TCF23: variants seen among roughly 807,000 people sequenced by gnomAD.
The protein encoded by TCF23 is class A basic helix-loop-helix protein 24.
A neutral mutation model predicts 13.0 loss-of-function variants in TCF23; 7 were observed. The observed-to-expected ratio is 0.54, with a 90% CI of 0.31 to 1.01. The LOEUF (loss-of-function observed/expected upper bound fraction) is 1.01, where lower values mean the gene tolerates loss of function less well. Ranked by LOEUF, TCF23 falls within the 50% of genes least tolerant of loss-of-function variation. The pLI is 0.06. For synonymous variants in TCF23, 122 were observed against 119.5 expected, an observed-to-expected ratio of 1.02 and a Z score of -0.14; for missense variants, 257 against 289.8, an observed-to-expected ratio of 0.89 and a Z score of 0.82.
chr2:27,151,674 C>T (rs756242931), intron 2 of TCF23, among the ~76,000 whole-genome samples: 2 of 152,086 alleles, frequency 1.3e-5, no homozygotes, highest in Non-Finnish European at 2.9e-5. Flanking sequence ...GTCTCACTGT[C>T]GCCCATGCTG....
Position 27,150,459 on chromosome 2 carries a change from C to A in TCF23, c.465+94C>A. 1 of 1,554,476 alleles carries A rather than the reference C, an allele frequency of 6.4e-7. No homozygotes were observed. Among genetic ancestry groups the A allele is most frequent in the South Asian group, 1.2e-5 (1 of 82,442 alleles). On this transcript the variant is annotated intron_variant, in intron 2 of 2. Transcript: ENST00000296096. This position sits in a 1 kb window ranked among gnomAD's most constrained non-coding sequence, Gnocchi z 4.1. ...ATGAGGGGGGACATTGGACTTGGGCCCCCTGCCCTGTGCAGAACTGACGTC... is the reference window on the plus strand; with the variant it reads ...ATGAGGGGGGACATTGGACTTGGGCACCCTGCCCTGTGCAGAACTGACGTC...
chr2:27,151,057 TA>T (rs1228549482), intron 2 of TCF23, among the ~76,000 whole-genome samples: 1 of 152,216 alleles, frequency 6.6e-6, no homozygotes, highest in Non-Finnish European at 1.5e-5. Context: ...TTAAGTACGT[TA>T]GTGTATTTTT....
chr2:27,153,567 T>A lies in TCF23; in HGVS notation c.*700T>A, dbSNP rs1460203580. The A allele has an allele frequency of 6.4e-6, 1 of 156,096 alleles. No individual in the cohort carries two copies. Among genetic ancestry groups the A allele is most frequent in the Non-Finnish European group, 1.4e-5 (1 of 71,648 alleles). The allele number at this position is 156,096 out of a possible 1,614,324, so 9.7% of individuals were successfully genotyped here. On this transcript the variant is annotated 3_prime_UTR_variant, in exon 3 of 3. Coordinates refer to ENST00000296096, the MANE Select transcript of TCF23 (RefSeq NM_175769.3). ...TCTTCTTTTTATGTAGAGATGGGGGTCTTGATATGTTGCCCAGGCTGGCCT... is the reference window on the plus strand; with the variant it reads ...TCTTCTTTTTATGTAGAGATGGGGGACTTGATATGTTGCCCAGGCTGGCCT...
Position 27,153,107 on chromosome 2 carries a change from C to T in TCF23, c.*240C>T. The T allele has an allele frequency of 1.1e-6, 1 of 921,270 alleles. No homozygotes were observed. The highest frequency in any genetic ancestry group is 1.5e-6 in the Non-Finnish European group (1 of 685,424). The allele number at this position is 921,270 out of a possible 1,614,324, so 57.1% of individuals were successfully genotyped here. On this transcript the variant is annotated 3_prime_UTR_variant, in exon 3 of 3. Transcript: ENST00000296096. ...CCCCATGGCTCTTCTGTGACAGCTA[C>T]TGGGAAGTGGGAGAGAAAGAGGTAT... is the stretch of plus-strand genomic sequence containing the variant.
In TCF23 at chr2:27,150,075, G is replaced by A. The variant is rs1672735879; in HGVS notation, c.223-48G>A. 2 of 1,568,894 alleles carry A rather than the reference G, an allele frequency of 1.3e-6. No homozygotes were observed. The highest frequency in any genetic ancestry group is 2.3e-5 in the South Asian group (2 of 87,746). On this transcript the variant is annotated intron_variant, in intron 1 of 2. Transcript: ENST00000296096. This position sits in a 1 kb window ranked among gnomAD's most constrained non-coding sequence, Gnocchi z 4.1. ...TGCTCAAACGCTCTCAGAAGTCAGG[G>A]CAGTTGGGAGTCCAGGTCACACACA...
rs1378046374 is a variant in TCF23, at chr2:27,150,481, C to T, written c.465+116C>T. ...GGCCCCCTGCCCTGTGCAGAACTGA[C>T]GTCGGAGCCAATTTCTCCTGCTGTC... On this transcript the variant is annotated intron_variant, in intron 2 of 2. Transcript: ENST00000296096. This position sits in a 1 kb window ranked among gnomAD's most constrained non-coding sequence, Gnocchi z 4.1. 11 of 1,501,734 alleles carry T rather than the reference C, an allele frequency of 7.3e-6. No individual in the cohort carries two copies. The South Asian group carries it at 1.3e-4, about 18-fold the overall frequency. The allele number at this position is 1,501,734 out of a possible 1,614,324, so 93.0% of individuals were successfully genotyped here.
rs1399368736 is a variant in TCF23 at position 27,155,540 on chromosome 2, C to T, written c.*2673C>T. The T allele has an allele frequency of 2.0e-5, 3 of 152,040 alleles. No homozygotes were observed. The highest frequency in any genetic ancestry group is 4.4e-5 in the Non-Finnish European group (3 of 68,016). 9.4% of individuals were successfully genotyped at this position (152,040 alleles called of 1,614,324 possible). ...GGATCATGAGGTCAGGAGTTCGAGA[C>T]CAGCCTCGCCAACATGATGAAACCC... On this transcript the variant is annotated 3_prime_UTR_variant, in exon 3 of 3. Transcript: ENST00000296096.
intron 2 of TCF23, among the ~76,000 whole-genome samples, chr2:27,151,877 T>C (rs1036465392): frequency 6.6e-6 from 1 of 151,850 alleles, no homozygotes; most frequent in Non-Finnish European, 1.5e-5. Context: ...TAAGCTCAAG[T>C]GATCCTCTCA....
At position 27,153,467 on chromosome 2, in the gene TCF23, C is replaced by G. The variant is rs1672791675; in HGVS notation, c.*600C>G. 6.5e-6 allele frequency: 1 copy of G among 153,834 alleles called. No individual in the cohort carries two copies. The highest frequency in any genetic ancestry group is 2.4e-5 in the African/African-American group (1 of 41,440). The allele number at this position is 153,834 out of a possible 1,614,324, so 9.5% of individuals were successfully genotyped here. A position where few individuals can be genotyped will look rare whatever the true frequency, so the allele number is the denominator to read the frequency against. ...GGGCCTTTCCAGAAGCTGCCCCTCA[C>G]CACTACATTTTCTCTCCCTCTCGGC... On this transcript the variant is annotated 3_prime_UTR_variant, in exon 3 of 3. Transcript: ENST00000296096.
At position 27,152,841 on chromosome 2, in the gene TCF23, C is replaced by T. The variant is rs1293272391; in HGVS notation, c.619C>T (p.Leu207Phe). The T allele has an allele frequency of 1.2e-5, 20 of 1,613,994 alleles. No homozygotes were observed. Among genetic ancestry groups the T allele is most frequent in the Non-Finnish European group, 1.6e-5 (19 of 1,179,906 alleles). The change falls in exon 3 of 3, where the codon CTC becomes TTC. Residue 207 changes from leucine (L) to phenylalanine (F), a missense_variant. Physicochemically the swap from Leu to Phe is conservative, Grantham distance 22. Coordinates refer to ENST00000296096, the MANE Select transcript of TCF23 (RefSeq NM_175769.3). Reference sequence around the variant, plus strand: ...AGATGCTCTCCTTTCCACCACACCACTCTCACCAGCTCTTGGTGACAAATA... The same window carrying T: ...AGATGCTCTCCTTTCCACCACACCATTCTCACCAGCTCTTGGTGACAAATA... ...EADALLSTTP[L>F]SPALGDK
In TCF23 at chr2:27,150,319, C is replaced by G. The variant is rs753875573; in HGVS notation, c.419C>G (p.Ala140Gly). ...RTLGHELPGP[A>G]WPPFLRGLRY... ...CTCGGCCACGAGTTGCCTGGCCCTG[C>G]CTGGCCGCCCTTCCTGCGTGGACTC... The change falls in exon 2 of 3, where the codon GCC (alanine) becomes GGC (glycine). Residue 140 changes from alanine to glycine, a missense_variant. Physicochemically the swap from Ala to Gly is moderately conservative, Grantham distance 60 (BLOSUM62 0). Coordinates refer to ENST00000296096, the MANE Select transcript of TCF23 (RefSeq NM_175769.3). This position sits in a 1 kb window ranked among gnomAD's most constrained non-coding sequence, Gnocchi z 4.1. 1 of 1,613,616 alleles carries G rather than the reference C, an allele frequency of 6.2e-7. No individual in the cohort carries two copies.
rs1215809461 is a variant in TCF23 at position 27,150,509 on chromosome 2, A to G, written c.465+144A>G. 2 of 1,421,188 alleles carry G rather than the reference A, an allele frequency of 1.4e-6. No homozygotes were observed. The highest frequency in any genetic ancestry group is 1.9e-6 in the Non-Finnish European group (2 of 1,049,318). The allele number at this position is 1,421,188 out of a possible 1,614,324, so 88.0% of individuals were successfully genotyped here. A position where few individuals can be genotyped will look rare whatever the true frequency, so the allele number is the denominator to read the frequency against. Reference sequence around the variant, plus strand: ...CGGAGCCAATTTCTCCTGCTGTCTCAGAGGGAGAGGAGCCAAGGCTGACCC... The same window carrying G: ...CGGAGCCAATTTCTCCTGCTGTCTCGGAGGGAGAGGAGCCAAGGCTGACCC... On this transcript the variant is annotated intron_variant, in intron 2 of 2. Coordinates refer to ENST00000296096, the MANE Select transcript of TCF23 (RefSeq NM_175769.3). This position sits in a 1 kb window ranked among gnomAD's most constrained non-coding sequence, Gnocchi z 4.1.
Position 27,150,068 on chromosome 2 carries a change from A to G in TCF23, c.223-55A>G. ...GACCTTGTGCTCAAACGCTCTCAGA[A>G]GTCAGGGCAGTTGGGAGTCCAGGTC... is the stretch of plus-strand genomic sequence containing the variant. On this transcript the variant is annotated intron_variant, in intron 1 of 2. Transcript: ENST00000296096. This position sits in a 1 kb window ranked among gnomAD's most constrained non-coding sequence, Gnocchi z 4.1. 2 of 1,563,602 alleles carry G rather than the reference A, an allele frequency of 1.3e-6. No homozygotes were observed. The highest frequency in any genetic ancestry group is 1.7e-6 in the Non-Finnish European group (2 of 1,156,886).
In TCF23 at chr2:27,150,111, C is replaced by A. The variant is rs201863013; in HGVS notation, c.223-12C>A. Reference sequence around the variant, plus strand: ...TCCAGGTCACACACACTCACTGGGGCCCTCTGTGCAGAGCGAGGCCAGTCC... The same window carrying A: ...TCCAGGTCACACACACTCACTGGGGACCTCTGTGCAGAGCGAGGCCAGTCC... On this transcript the variant is annotated splice_polypyrimidine_tract_variant and intron_variant, in intron 1 of 2. Transcript: ENST00000296096. The surrounding 1 kb of genome is among the most constrained non-coding windows in gnomAD (Gnocchi z 4.1). 4.8e-5 allele frequency: 76 copies of A among 1,590,400 alleles called. No individual in the cohort carries two copies. In the East Asian group the frequency reaches 1.4e-3, roughly 30 times the overall value.
Position 27,154,904 on chromosome 2 carries a change from G to C in TCF23, c.*2037G>C, listed in dbSNP as rs1020020802. ...TCAGTTGGTGGCACACTTTCCTGGG[G>C]ATGAAGGGAAATTGGCTTGGGGTGT... On this transcript the variant is annotated 3_prime_UTR_variant, in exon 3 of 3. Transcript: ENST00000296096. 1.3e-5 allele frequency: 2 copies of C among 152,492 alleles called. No homozygotes were observed. The highest frequency in any genetic ancestry group is 1.3e-4 in the Admixed American group (2 of 15,288). The allele number at this position is 152,492 out of a possible 1,614,324, so 9.4% of individuals were successfully genotyped here.
At position 27,150,304 on chromosome 2, in the gene TCF23, AG is replaced by A; in HGVS notation, c.405del (p.Glu135AspfsTer136). ...IAHLTRTLGHELPGPAWPPFL... is the reference protein window; with the variant it reads ...IAHLTRTLGHXLPGPAWPPFL... ...CACCTCACCCGCACACTCGGCCACG[AG>A]TTGCCTGGCCCTGCCTGGCCGCCCT... On this transcript the variant is annotated frameshift_variant, in exon 2 of 3. Coordinates refer to ENST00000296096, the MANE Select transcript of TCF23 (RefSeq NM_175769.3). LOFTEE classifies it high-confidence loss of function. This position sits in a 1 kb window ranked among gnomAD's most constrained non-coding sequence, Gnocchi z 4.1. 5 of 1,613,716 alleles carry A rather than the reference AG, an allele frequency of 3.1e-6. No homozygotes were observed. Among genetic ancestry groups the A allele is most frequent in the Non-Finnish European group, 4.2e-6 (5 of 1,180,022 alleles).
chr2:27,150,533 C>G lies in TCF23; in HGVS notation c.465+168C>G, dbSNP rs947653155. Among the ~76,000 whole-genome samples the G allele has an allele frequency of 6.6e-6, 1 of 152,280 alleles. No individual in the cohort carries two copies. ...CAGAGGGAGAGGAGCCAAGGCTGAC[C>G]CTTGGGGCTGCGCTGACCCTGGGTT... On this transcript the variant is annotated intron_variant, in intron 2 of 2. Coordinates refer to ENST00000296096, the MANE Select transcript of TCF23 (RefSeq NM_175769.3). The surrounding 1 kb of genome is among the most constrained non-coding windows in gnomAD (Gnocchi z 4.1).
intron 1 of TCF23, 156 bp from the exon 2 acceptor site, chr2:27,149,967 G>A (rs1297248870): frequency 9.4e-6 from 12 of 1,277,638 alleles, no homozygotes; most frequent in Non-Finnish European, 1.2e-5. Flanking sequence ...TGTGAAACGC[G>A]GCAGGGCTGC....
chr2:27,149,442 C>G, intron 1 of TCF23, 87 bp downstream of exon 1: 1 of 1,269,642 alleles, frequency 7.9e-7, no homozygotes, highest in Non-Finnish European at 1.1e-6. Context: ...TACAGCCTCA[C>G]TCAGTATTAC....
Sources: gnomAD v4.1 joint callset for allele counts (sites outside exome capture counted in the v4.1 genomes callset) on GRCh38, gnomAD v4.1.1 for gene constraint, Gnocchi (gnomAD v3.1) non-coding constraint, MANE v1.5 for transcripts, NCBI Gene and HGNC (gene_info 2026-07-23, HGNC 2026-07-21) for gene names.